The following HBE1 variants were observed in gnomAD, a reference collection of about 807,000 sequenced individuals.
HBE1 encodes the protein hemoglobin subunit epsilon.
HBE1 carries 10 observed loss-of-function variants against 12.1 expected under a neutral mutation model. That is an observed-to-expected ratio of 0.83 (90% CI 0.51 to 1.40). The LOEUF (loss-of-function observed/expected upper bound fraction) is 1.40, where lower values mean the gene tolerates loss of function less well. HBE1 is among the 40% of genes most tolerant of loss of function. The pLI, the probability that HBE1 is intolerant of heterozygous loss-of-function variation, is 0.00. For synonymous variants in HBE1, 78 were observed against 70.4 expected (o/e 1.11, Z -0.54); for missense variants, 172 against 175.8 (o/e 0.98, Z 0.12).
rs1589914650 is a variant in HBE1 at position 5,268,563 on chromosome 11, G to A, written c.350C>T (p.Thr117Ile). ...LGNVMVIILA[T>I]HFGKEFTPEV... is the part of the protein sequence containing the mutation. ...AGGGGTGAACTCCTTGCCAAAGTGAGTAGCCAGAATAATCACCATCACGTT... is the reference window on the plus strand; with the variant it reads ...AGGGGTGAACTCCTTGCCAAAGTGAATAGCCAGAATAATCACCATCACGTT... The change falls in exon 3 of 3, where the codon ACT (threonine) becomes ATT (isoleucine). Residue 117 changes from threonine (T) to isoleucine (I), a missense_variant. By Grantham distance (89) the Thr-to-Ile change is moderately conservative. Transcript: ENST00000396895. The A allele has an allele frequency of 6.2e-7, 1 of 1,613,524 alleles. No individual in the cohort carries two copies.
At chr11:5,268,860 T>C (rs1244354905) in intron 2 of HBE1, among the ~76,000 whole-genome samples, 1 of 152,156 alleles carries the variant, frequency 6.6e-6, no homozygotes, top group East Asian at 1.9e-4. Context: ...ATTATTGGGT[T>C]CCCTCTCTCC....
In HBE1 at chr11:5,268,468, C is replaced by T. The variant is rs1848157557; in HGVS notation, c.*1G>A. On this transcript the variant is annotated 3_prime_UTR_variant, in exon 3 of 3. Transcript: ENST00000396895. ...GGAACACCTGCAAACTGGAAGAGAA[C>T]TCAGTGGTACTTATGGGCCAGGGCA... is the stretch of plus-strand genomic sequence containing the variant. The T allele has an allele frequency of 6.2e-7, 1 of 1,613,066 alleles. No homozygotes were observed. Among genetic ancestry groups the T allele is most frequent in the East Asian group, 2.2e-5 (1 of 44,854 alleles).
rs1848160255 is a variant in HBE1 at position 5,268,679 on chromosome 11, A to G, written c.316-82T>C. On this transcript the variant is annotated intron_variant, in intron 2 of 2. Coordinates refer to ENST00000396895, the MANE Select transcript of HBE1 (RefSeq NM_005330.4). ...CAACTTGATGAAAAAACAAACAAAC[A>G]AACAAAAACGGCTTTATACCTACAT... is the stretch of plus-strand genomic sequence containing the variant. The G allele has an allele frequency of 1.4e-5, 19 of 1,376,638 alleles. No homozygotes were observed. The East Asian group carries it at 4.4e-4, about 32-fold the overall frequency. 85.3% of individuals were successfully genotyped at this position (1,376,638 alleles called of 1,614,324 possible).
chr11:5,268,733 C>G (rs1848161088), intron 2 of HBE1, 136 bp from the exon 3 acceptor site: 2 of 786,464 alleles, frequency 2.5e-6, no homozygotes, highest in East Asian at 2.6e-5. Context: ...TCAAACTGTT[C>G]CAAGGTTTGT....
Position 5,269,852 on chromosome 11 carries a change from A to G in HBE1, c.39T>C (p.Thr13=), listed in dbSNP as rs1284811767. 6.2e-7 allele frequency: 1 copy of G among 1,613,918 alleles called. No individual in the cohort carries two copies. Among genetic ancestry groups the G allele is most frequent in the Admixed American group, 1.7e-5 (1 of 60,000 alleles). Residue 13 remains threonine (T), a synonymous_variant, in exon 1 of 3, where the codon ACT becomes ACC. Transcript: ENST00000396895. ...HFTAEEKAAV[T]SLWSKMNVEE... The stretch of plus-strand genomic sequence containing the variant: ...CCACATTCATCTTGCTCCACAGGCT[A>G]GTGACGGCAGCCTTCTCCTCAGCAG...
intron 2 of HBE1, 133 bp from the exon 3 acceptor site, chr11:5,268,730 G>T: frequency 1.3e-6 from 1 of 798,932 alleles, no homozygotes; most frequent in South Asian, 1.8e-5. Flanking sequence ...ACCTCAAACT[G>T]TTCCAAGGTT....
At chr11:5,268,625 C>A in intron 2 of HBE1, 28 bp from the exon 3 acceptor site, 1 of 1,608,140 alleles carries the variant, frequency 6.2e-7, no homozygotes, top group Non-Finnish European at 8.5e-7. Context: ...AAATAACACA[C>A]AGGCATGTTG....
chr11:5,269,690 C>T lies in HBE1; in HGVS notation c.93-14G>A. ...ACAACGAGGAGTCTATGAAATGACA[C>T]CATATCAGATACAAAATTAGAGATG... is the stretch of plus-strand genomic sequence containing the variant. On this transcript the variant is annotated splice_polypyrimidine_tract_variant and intron_variant, in intron 1 of 2. Transcript: ENST00000396895. 6.3e-7 allele frequency: 1 copy of T among 1,595,872 alleles called. No individual in the cohort carries two copies. Among genetic ancestry groups the T allele is most frequent in the Non-Finnish European group, 8.6e-7 (1 of 1,163,994 alleles).
rs772668489 is a variant in HBE1, at chr11:5,268,424, G to A, written c.*45C>T. ...CCAAGCCCAGTCCCCATGTGCAGAAGGAGGGTGTCAGGGTCACAGGAACAC... is the reference window on the plus strand; with the variant it reads ...CCAAGCCCAGTCCCCATGTGCAGAAAGAGGGTGTCAGGGTCACAGGAACAC... On this transcript the variant is annotated 3_prime_UTR_variant, in exon 3 of 3. Transcript: ENST00000396895. The A allele has an allele frequency of 3.2e-6, 5 of 1,583,858 alleles. No individual in the cohort carries two copies. Among genetic ancestry groups the A allele is most frequent in the Middle Eastern group, 1.7e-4 (1 of 5,936 alleles).
At chr11:5,269,320 G>C in intron 2 of HBE1, 134 bp downstream of exon 2, 1 of 738,190 alleles carries the variant, frequency 1.4e-6, no homozygotes, top group Non-Finnish European at 2.4e-6. Context: ...ATGCTCACTA[G>C]AAGTCTGCTG....
chr11:5,269,382 A>G (rs1589914992), intron 2 of HBE1, 72 bp downstream of exon 2: 18 of 1,091,488 alleles, frequency 1.6e-5, no homozygotes, highest in Non-Finnish European at 2.3e-5. Flanking sequence ...TGGTCTTTCC[A>G]ATAAGATTAT....
rs753906523 is a variant in HBE1 at position 5,268,452 on chromosome 11, G to A, written c.*17C>T. On this transcript the variant is annotated 3_prime_UTR_variant, in exon 3 of 3. Coordinates refer to ENST00000396895, the MANE Select transcript of HBE1 (RefSeq NM_005330.4). ...GGGTGTCAGGGTCACAGGAACACCT[G>A]CAAACTGGAAGAGAACTCAGTGGTA... 5 of 1,610,928 alleles carry A rather than the reference G, an allele frequency of 3.1e-6. No homozygotes were observed. The East Asian group carries it at 6.7e-5, about 22-fold the overall frequency.
rs1848169749 is a variant in HBE1 at position 5,269,607 on chromosome 11, G to A, written c.162C>T (p.Ala54=). The A allele has an allele frequency of 1.9e-6, 3 of 1,613,494 alleles. No homozygotes were observed. Among genetic ancestry groups the A allele is most frequent in the Admixed American group, 3.3e-5 (2 of 59,984 alleles). ...CCTTGACCTTGGGGTTGCCCAGGAT[G>A]GCAGAGGGAGACGACAGGTTTCCAA... is the stretch of plus-strand genomic sequence containing the variant. ...DSFGNLSSPS[A]ILGNPKVKAH... is the part of the protein sequence containing the mutation. The change falls in exon 2 of 3, where the codon GCC becomes GCT. Residue 54 remains alanine, a synonymous_variant. Coordinates refer to ENST00000396895, the MANE Select transcript of HBE1 (RefSeq NM_005330.4).
chr11:5,268,942 A>G (rs1322598243), intron 2 of HBE1, among the ~76,000 whole-genome samples: 1 of 152,194 alleles, frequency 6.6e-6, no homozygotes, highest in African/African-American at 2.4e-5. Flanking sequence ...TCTCAGCGGG[A>G]GTTTAAAATC....
At position 5,268,453 on chromosome 11, in the gene HBE1, C is replaced by G; in HGVS notation, c.*16G>C. The G allele has an allele frequency of 6.2e-7, 1 of 1,611,282 alleles. No homozygotes were observed. The highest frequency in any genetic ancestry group is 8.5e-7 in the Non-Finnish European group (1 of 1,177,928). On this transcript the variant is annotated 3_prime_UTR_variant, in exon 3 of 3. Coordinates refer to ENST00000396895, the MANE Select transcript of HBE1 (RefSeq NM_005330.4). ...GGTGTCAGGGTCACAGGAACACCTG[C>G]AAACTGGAAGAGAACTCAGTGGTAC... is the stretch of plus-strand genomic sequence containing the variant.
chr11:5,269,708 T>C, intron 1 of HBE1, 32 bp from the exon 2 acceptor site: 1 of 1,582,590 alleles, frequency 6.3e-7, no homozygotes, highest in Non-Finnish European at 8.7e-7. Context: ...GATACAAAAT[T>C]AGAGATGCAA....
rs866595172 is a variant in HBE1, at chr11:5,268,626, A to T, written c.316-29T>A. On this transcript the variant is annotated intron_variant, in intron 2 of 2. Transcript: ENST00000396895. Reference sequence around the variant, plus strand: ...TTAGGCAAAAGACAAAATAACACACAGGCATGTTGAGTAGAAGTTTCCGAA... The same window carrying T: ...TTAGGCAAAAGACAAAATAACACACTGGCATGTTGAGTAGAAGTTTCCGAA... The T allele has an allele frequency of 1.0e-5, 16 of 1,596,024 alleles. No homozygotes were observed. The Middle Eastern group carries it at 1.0e-3, about 100-fold the overall frequency.
Position 5,269,939 on chromosome 11 carries a change from G to GCAC in HBE1, c.-50_-49insGTG. 1 of 1,311,760 alleles carries GCAC rather than the reference G, an allele frequency of 7.6e-7. No individual in the cohort carries two copies. Among genetic ancestry groups the GCAC allele is most frequent in the Non-Finnish European group, 1.1e-6 (1 of 908,650 alleles). The allele number at this position is 1,311,760 out of a possible 1,614,324, so 81.3% of individuals were successfully genotyped here. A position where few individuals can be genotyped will look rare whatever the true frequency, so the allele number is the denominator to read the frequency against. ...AGTGATTGCAGCTGTGTCGGAAGCA[G>GCAC]ATATGTGCTGCTGCCTCTCTGTCTG... On this transcript the variant is annotated 5_prime_UTR_variant, in exon 1 of 3. In the 5' UTR this introduces an upstream ATG that the reference lacks. Transcript: ENST00000396895.
rs750957174 is a variant in HBE1 at position 5,269,803 on chromosome 11, C to T, written c.88G>A (p.Gly30Ser). ...NVEEAGGEALGRLLVVYPWTQ... is the reference protein window; with the variant it reads ...NVEEAGGEALSRLLVVYPWTQ... ...GCATTGAGAACCAATGCTTACCTGC[C>T]CAAGGCTTCACCTCCAGCCTCTTCC... is the stretch of plus-strand genomic sequence containing the variant. The change falls in exon 1 of 3, where the codon GGC becomes AGC. Residue 30 changes from glycine to serine, a missense_variant. Coordinates refer to ENST00000396895, the MANE Select transcript of HBE1 (RefSeq NM_005330.4). 6 of 1,610,914 alleles carry T rather than the reference C, an allele frequency of 3.7e-6. No individual in the cohort carries two copies. Among genetic ancestry groups the T allele is most frequent in the Non-Finnish European group, 5.1e-6 (6 of 1,177,128 alleles).
Sources: allele counts gnomAD v4.1 joint callset (sites outside exome capture counted in the v4.1 genomes callset), GRCh38; gene constraint gnomAD v4.1.1; transcripts MANE v1.5; gene names NCBI Gene and HGNC (gene_info 2026-07-23, HGNC 2026-07-21).